Variants in STRN4 observed in about 807,000 individuals in gnomAD.
The protein encoded by STRN4 is striatin-4.
A neutral mutation model predicts 77.9 loss-of-function variants in STRN4; 27 were observed. The observed-to-expected ratio is 0.35, with a 90% CI of 0.26 to 0.48. The LOEUF (loss-of-function observed/expected upper bound fraction) is 0.48. Ranked by LOEUF, STRN4 falls within the 20% of genes least tolerant of loss-of-function variation. STRN4 has a pLI of 0.99. For synonymous variants in STRN4, 466 were observed against 443.1 expected, an observed-to-expected ratio of 1.05 and a Z score of -0.65; for missense variants, 798 against 1,049.7, an observed-to-expected ratio of 0.76 and a Z score of 3.31.
In STRN4 at chr19:46,733,919, T is replaced by G. The variant is rs777800242; in HGVS notation, c.540-683A>C. The G allele has an allele frequency of 6.6e-6, 1 of 152,152 alleles. No homozygotes were observed. The highest frequency in any genetic ancestry group is 1.5e-5 in the Non-Finnish European group (1 of 68,030). 9.4% of individuals were successfully genotyped at this position (152,152 alleles called of 1,614,324 possible). ...GAAGGAAAAAAGAACAAAAATCAAT[T>G]TGGGGTATCTGTGGCTTCAAAATAC... On this transcript the variant is annotated intron_variant, in intron 4 of 17. Coordinates refer to ENST00000263280, the MANE Select transcript of STRN4 (RefSeq NM_013403.3). The surrounding 1 kb of genome is among the most constrained non-coding windows in gnomAD (Gnocchi z 4.3).
chr19:46,744,932 C>T (rs988144875), intron 1 of STRN4, among the ~76,000 whole-genome samples: 4 of 152,050 alleles, frequency 2.6e-5, no homozygotes, highest in African/African-American at 9.7e-5. Context: ...CAAACCCTAG[C>T]CCAACTCCTC....
At chr19:46,725,193 A>T in intron 11 of STRN4, 139 bp downstream of exon 11, 2 of 1,228,040 alleles carry the variant, frequency 1.6e-6, no homozygotes, top group Non-Finnish European at 2.3e-6. Flanking sequence ...AGGGCTGTGT[A>T]TATCATGAAG....
rs1424005377 is a variant in STRN4, at chr19:46,728,667, C to A, written c.990G>T (p.Gly330=). 1.2e-6 allele frequency: 2 copies of A among 1,614,006 alleles called. No individual in the cohort carries two copies. The highest frequency in any genetic ancestry group is 1.7e-6 in the Non-Finnish European group (2 of 1,180,002). ...DFLGSGEDGE[G]APDPRRCTVD... ...CAGTGCACCGCCGAGGGTCTGGAGCCCCTTCCCCATCCTCTCCTGAGCCCA... is the reference window on the plus strand; with the variant it reads ...CAGTGCACCGCCGAGGGTCTGGAGCACCTTCCCCATCCTCTCCTGAGCCCA... The change falls in exon 7 of 18, where the codon GGG becomes GGT. Residue 330 remains glycine, a synonymous_variant. Transcript: ENST00000263280.
chr19:46,746,387 G>A lies in STRN4; in HGVS notation c.44C>T (p.Ser15Phe), dbSNP rs1321506879. ...RAAAAVAAAA[S>F]SCRPLGSGAG... ...GCCTGAGCCGAGCGGACGGCAGGAG[G>A]AGGCGGCGGCGGCGACCGCGGCGGC... Residue 15 changes from serine (S) to phenylalanine (F), a missense_variant, in exon 1 of 18, where the codon TCC (serine) becomes TTC (phenylalanine). Around this residue, in one of 2 missense-constraint regions of STRN4, gnomAD observed 511 missense variants for 575.9 expected, o/e 0.89. Transcript: ENST00000263280. 2 of 1,097,696 alleles carry A rather than the reference G, an allele frequency of 1.8e-6. No individual in the cohort carries two copies. The highest frequency in any genetic ancestry group is 5.4e-5 in the East Asian group (1 of 18,562). The allele number at this position is 1,097,696 out of a possible 1,614,324, so 68.0% of individuals were successfully genotyped here. A position where few individuals can be genotyped will look rare whatever the true frequency, so the allele number is the denominator to read the frequency against.
chr19:46,733,181 C>A lies in STRN4; in HGVS notation c.595G>T (p.Val199Phe), dbSNP rs369741559. 1.9e-6 allele frequency: 3 copies of A among 1,611,312 alleles called. No individual in the cohort carries two copies. The highest frequency in any genetic ancestry group is 2.5e-6 in the Non-Finnish European group (3 of 1,180,022). ...AGCGAGCGGCCCAGCAGGGAACGGA[C>A]GCGCTTGGACCGCATGTCGAGGATG... ...DTILDMRSKR[V>F]RSLLGRSLEL... Residue 199 changes from valine to phenylalanine, a missense_variant, in exon 5 of 18, where the codon GTC becomes TTC. Coordinates refer to ENST00000263280, the MANE Select transcript of STRN4 (RefSeq NM_013403.3). This position sits in a 1 kb window ranked among gnomAD's most constrained non-coding sequence, Gnocchi z 4.3.
intron 1 of STRN4, among the ~76,000 whole-genome samples, chr19:46,744,383 G>T (rs1220482451): frequency 6.6e-6 from 1 of 152,072 alleles, no homozygotes; most frequent in East Asian, 1.9e-4. Context: ...CTCATCCTAT[G>T]AACAAAATGC....
Position 46,723,839 on chromosome 19 carries a change from C to T in STRN4, c.1595-555G>A, listed in dbSNP as rs371317897. 2.0e-5 allele frequency among the ~76,000 whole-genome samples: 3 copies of T among 152,166 alleles called. No homozygotes were observed. Among genetic ancestry groups the T allele is most frequent in the Non-Finnish European group, 4.4e-5 (3 of 68,026 alleles). ...GTGTGGTGGCTAATGTAGCTGGGAC[C>T]GATCCTGACCTTGTGCAGGTGAGCC... On this transcript the variant is annotated intron_variant, in intron 12 of 17. Transcript: ENST00000263280. The surrounding 1 kb of genome is among the most constrained non-coding windows in gnomAD (Gnocchi z 5.5).
In STRN4 at chr19:46,733,162, C is replaced by A; in HGVS notation, c.614G>T (p.Arg205Leu). ...CACTGCCCCGTTGAGCTCCAGCGAG[C>A]GGCCCAGCAGGGAACGGACGCGCTT... is the stretch of plus-strand genomic sequence containing the variant. ...RSKRVRSLLGRSLELNGAVEP... is the reference protein window; with the variant it reads ...RSKRVRSLLGLSLELNGAVEP... The change falls in exon 5 of 18, where the codon CGC becomes CTC. Residue 205 changes from arginine (R) to leucine (L), a missense_variant. By Grantham distance (102) the Arg-to-Leu change is moderately radical (BLOSUM62 -2). Around this residue, in one of 2 missense-constraint regions of STRN4, gnomAD observed 511 missense variants for 575.9 expected, o/e 0.89. Transcript: ENST00000263280. The surrounding 1 kb of genome is among the most constrained non-coding windows in gnomAD (Gnocchi z 4.3). 2 of 1,611,780 alleles carry A rather than the reference C, an allele frequency of 1.2e-6. No individual in the cohort carries two copies. Among genetic ancestry groups the A allele is most frequent in the Non-Finnish European group, 8.5e-7 (1 of 1,180,012 alleles).
At chr19:46,727,300 C>T (rs898170793) in intron 9 of STRN4, 152 bp downstream of exon 9, 43 of 658,260 alleles carry the variant, frequency 6.5e-5, no homozygotes, top group Non-Finnish European at 1.0e-4. Context: ...TGCGCCTTGG[C>T]GACCGCAGTC....
At position 46,728,502 on chromosome 19, in the gene STRN4, A is replaced by G. The variant is rs957651136; in HGVS notation, c.1039+116T>C. On this transcript the variant is annotated intron_variant, in intron 7 of 17. Coordinates refer to ENST00000263280, the MANE Select transcript of STRN4 (RefSeq NM_013403.3). ...CTCCTTGGCTACCCTCCTCTCAGGA[A>G]ACATATCCGTCCGGTAGAGAGACCC... 3 of 1,357,104 alleles carry G rather than the reference A, an allele frequency of 2.2e-6. No homozygotes were observed. In the South Asian group the frequency reaches 4.4e-5, roughly 20 times the overall value. The allele number at this position is 1,357,104 out of a possible 1,614,324, so 84.1% of individuals were successfully genotyped here. A position where few individuals can be genotyped will look rare whatever the true frequency, so the allele number is the denominator to read the frequency against.
At chr19:46,720,462 T>G in intron 17 of STRN4, 74 bp downstream of exon 17, 1 of 1,074,078 alleles carries the variant, frequency 9.3e-7, no homozygotes, top group African/African-American at 1.6e-5. Flanking sequence ...CTGACTGGAC[T>G]GCGGGGCTCA....
rs1034395582 is a variant in STRN4, at chr19:46,724,692, C to G, written c.1594+115G>C. The G allele has an allele frequency of 3.4e-6, 5 of 1,484,342 alleles. No individual in the cohort carries two copies. The African/African-American group carries it at 5.5e-5, about 16-fold the overall frequency. 91.9% of individuals were successfully genotyped at this position (1,484,342 alleles called of 1,614,324 possible). ...AACAGAGCAGACAGGGGAGCCGTCA[C>G]ACGCACTCCTGAGGCCTGCAGTGTT... is the stretch of plus-strand genomic sequence containing the variant. On this transcript the variant is annotated intron_variant, in intron 12 of 17. Transcript: ENST00000263280.
chr19:46,729,178 CCAG>C (rs1456155447), intron 6 of STRN4, among the ~76,000 whole-genome samples: 1 of 152,216 alleles, frequency 6.6e-6, no homozygotes, highest in Non-Finnish European at 1.5e-5. Flanking sequence ...AAACACAGCA[CCAG>C]CAGCCGTGCT....
At chr19:46,746,090 G>A (rs2054592443) in intron 1 of STRN4, 59 bp downstream of exon 1, 5 of 1,373,812 alleles carry the variant, frequency 3.6e-6, no homozygotes, top group East Asian at 3.2e-5. Context: ...GGCGGCAGCG[G>A]GTGAGGCCGG....
At chr19:46,722,401 G>C (rs938142414) in intron 14 of STRN4, 61 bp from the exon 15 acceptor site, 1 of 1,545,152 alleles carries the variant, frequency 6.5e-7, no homozygotes, top group Non-Finnish European at 8.9e-7. Flanking sequence ...GACCAGAACA[G>C]AGGCACAAGC....
chr19:46,730,542 C>T (rs924160299), intron 6 of STRN4, among the ~76,000 whole-genome samples, 190 bp downstream of exon 6: 1 of 152,220 alleles, frequency 6.6e-6, no homozygotes, highest in Non-Finnish European at 1.5e-5. Flanking sequence ...TCCACCACAA[C>T]GCGTCCTTCT....
rs755412434 is a variant in STRN4, at chr19:46,730,844, C to T, written c.767G>A (p.Arg256His). 3.8e-5 allele frequency: 62 copies of T among 1,611,940 alleles called. No homozygotes were observed. The highest frequency in any genetic ancestry group is 3.3e-4 in the Middle Eastern group (2 of 6,046). Residue 256 changes from arginine to histidine, a missense_variant, in exon 6 of 18, where the codon CGC becomes CAC. Around this residue, in one of 2 missense-constraint regions of STRN4, gnomAD observed 511 missense variants for 575.9 expected, o/e 0.89. Transcript: ENST00000263280. The stretch of plus-strand genomic sequence containing the variant: ...CTGCCCCAGCACTGAGCCGCCCAAG[C>T]GCTCTTTGCCATCTTTGCCTGCCGC... ...RNAAGKDGKERLGGSVLGQIP... is the reference protein window; with the variant it reads ...RNAAGKDGKEHLGGSVLGQIP...
chr19:46,743,677 A>G (rs2054514692), intron 1 of STRN4, among the ~76,000 whole-genome samples: 1 of 152,138 alleles, frequency 6.6e-6, no homozygotes, highest in African/African-American at 2.4e-5. Context: ...AGGCAGGTGG[A>G]TCTCTTGAGG....
intron 1 of STRN4, chr19:46,745,842 C>A: frequency 3.6e-6 from 1 of 279,410 alleles, no homozygotes. Flanking sequence ...AGTCCCAGTC[C>A]CAGTCCCACT....
Sources: allele counts gnomAD v4.1 joint callset (sites outside exome capture counted in the v4.1 genomes callset), GRCh38; gene constraint gnomAD v4.1.1; regional missense constraint gnomAD v4.1.1; non-coding constraint Gnocchi (gnomAD v3.1); transcripts MANE v1.5; gene names NCBI Gene and HGNC (gene_info 2026-07-23, HGNC 2026-07-21).